Variants in HPSE2 observed in about 807,000 individuals in gnomAD.
HPSE2 encodes inactive heparanase-2.
Under a neutral mutation model 60.5 loss-of-function variants are expected in HPSE2, and 38 were observed. The observed-to-expected ratio is 0.63, with a 90% CI of 0.48 to 0.82. HPSE2 has a LOEUF of 0.82. Among genes scored for constraint, HPSE2 ranks in the 40% least tolerant of loss-of-function variants. HPSE2 has a pLI of 0.00. For synonymous variants in HPSE2, 295 were observed against 293.2 expected (o/e 1.01, Z -0.06); for missense variants, 713 against 740.4 (o/e 0.96, Z 0.43).
At chr10:98,820,762 C>T (rs1218314328) in intron 3 of HPSE2, among the ~76,000 whole-genome samples, 1 of 152,158 alleles carries the variant, frequency 6.6e-6, no homozygotes, top group Non-Finnish European at 1.5e-5. Context: ...AGCTGACTCC[C>T]TCTCTGCATG....
chr10:99,244,392 T>C, the HPSE2 span, among the ~76,000 whole-genome samples: 4 of 141,652 alleles, frequency 2.8e-5, no homozygotes, highest in African/African-American at 1.0e-4. Context: ...TTTATTATTA[T>C]TATTATTATT....
intron 3 of HPSE2, among the ~76,000 whole-genome samples, chr10:98,801,841 A>G (rs1246481314): frequency 6.6e-6 from 1 of 152,150 alleles, no homozygotes; most frequent in African/African-American, 2.4e-5. Flanking sequence ...AGAAAAAACA[A>G]TCCTAAAATT....
At chr10:98,757,480 A>G (rs185680749) in intron 3 of HPSE2, among the ~76,000 whole-genome samples, 5 of 152,312 alleles carry the variant, frequency 3.3e-5, no homozygotes, top group Non-Finnish European at 7.4e-5. Context: ...CAACTTCAGT[A>G]AAGTTTCAGG....
At chr10:98,917,494 T>C (rs543166615) in intron 3 of HPSE2, among the ~76,000 whole-genome samples, 18 of 152,314 alleles carry the variant, frequency 1.2e-4, no homozygotes, top group African/African-American at 3.1e-4. Context: ...AATAGGACTA[T>C]TTGAAAGGAT....
intron 9 of HPSE2, among the ~76,000 whole-genome samples, chr10:98,598,732 TG>T (rs1945315949): frequency 6.6e-6 from 1 of 151,324 alleles, no homozygotes; most frequent in Admixed American, 6.6e-5. Flanking sequence ...TCTACTTGGG[TG>T]GGTCTTGACC....
intron 3 of HPSE2, among the ~76,000 whole-genome samples, chr10:99,036,296 T>G (rs950379601): frequency 6.6e-6 from 1 of 152,102 alleles, no homozygotes; most frequent in African/African-American, 2.4e-5. Context: ...GAGAAATAGT[T>G]AATTCCAAGG....
chr10:98,689,711 G>T (rs1948024745), intron 6 of HPSE2, among the ~76,000 whole-genome samples: 1 of 152,182 alleles, frequency 6.6e-6, no homozygotes, highest in African/African-American at 2.4e-5. Flanking sequence ...AGAGATAGAA[G>T]AATGCTGATT....
rs113018540 is a variant in HPSE2 at position 99,048,351 on chromosome 10, A to C, written c.610+95887T>G. On this transcript the variant is annotated intron_variant, in intron 3 of 11. Coordinates refer to ENST00000370552, the MANE Select transcript of HPSE2 (RefSeq NM_021828.5). ...CTAAGCTGGTCAGTTAATAAATAGT[A>C]CCTGCTCTCAAACTGAAAAAAAAAA... is the stretch of plus-strand genomic sequence containing the variant. The C allele has an allele frequency of 9.8e-4, 310 of 317,552 alleles. 1 individual carries two copies. Among genetic ancestry groups the C allele is most frequent in the African/African-American group, 6.6e-3 (298 of 45,262 alleles). 19.7% of individuals were successfully genotyped at this position (317,552 alleles called of 1,614,324 possible).
intron 3 of HPSE2, among the ~76,000 whole-genome samples, chr10:99,031,720 A>T (rs1276902948): frequency 6.6e-6 from 1 of 152,210 alleles, no homozygotes; most frequent in Admixed American, 6.5e-5. Flanking sequence ...ACCAGTTTTG[A>T]TAATATTTGG....
chr10:98,598,187 GAAGT>G (rs1454569883), intron 9 of HPSE2, among the ~76,000 whole-genome samples: 1 of 151,952 alleles, frequency 6.6e-6, no homozygotes, highest in Admixed American at 6.6e-5. Context: ...ACATTTTGAA[GAAGT>G]AAGGACTTAT....
At chr10:99,304,165 T>A in the HPSE2 span, among the ~76,000 whole-genome samples, 1 of 152,186 alleles carries the variant, frequency 6.6e-6, no homozygotes, top group African/African-American at 2.4e-5. Flanking sequence ...CAGGCCAGAT[T>A]GAGGACTAAC....
At chr10:99,229,229 G>A (rs1384833779) in intron 2 of HPSE2, among the ~76,000 whole-genome samples, 1 of 151,298 alleles carries the variant, frequency 6.6e-6, no homozygotes, top group Non-Finnish European at 1.5e-5. Flanking sequence ...CCAGAAAAGT[G>A]GAAGCTTTTT....
At chr10:98,942,997 T>C (rs1328573006) in intron 3 of HPSE2, among the ~76,000 whole-genome samples, 4 of 146,948 alleles carry the variant, frequency 2.7e-5, no homozygotes, top group African/African-American at 7.6e-5. Context: ...AACCAAACGC[T>C]GCATGTTCTC....
intron 3 of HPSE2, among the ~76,000 whole-genome samples, chr10:98,871,381 G>A (rs1277745907): frequency 6.6e-6 from 1 of 151,774 alleles, no homozygotes; most frequent in African/African-American, 2.4e-5. Flanking sequence ...AGAACCAGAT[G>A]CTTTTCTTTC....
At chr10:98,821,611 AAAAT>A (rs1468760603) in intron 3 of HPSE2, among the ~76,000 whole-genome samples, 4 of 152,160 alleles carry the variant, frequency 2.6e-5, no homozygotes, top group Admixed American at 2.0e-4. Flanking sequence ...TATTCTGGTG[AAAAT>A]AAAACTGCAA....
intron 3 of HPSE2, among the ~76,000 whole-genome samples, chr10:99,122,065 G>A (rs965654916): frequency 6.6e-6 from 1 of 152,146 alleles, no homozygotes; most frequent in African/African-American, 2.4e-5. Context: ...TTATGTATAT[G>A]TATGTGCTTC....
At chr10:99,042,742 A>C (rs1957769101) in intron 3 of HPSE2, among the ~76,000 whole-genome samples, 2 of 151,942 alleles carry the variant, frequency 1.3e-5, no homozygotes, top group Admixed American at 1.3e-4. Context: ...CATTCAACAA[A>C]AGAAATGAAG....
intron 8 of HPSE2, among the ~76,000 whole-genome samples, chr10:98,618,440 C>T (rs546604247): frequency 6.6e-6 from 1 of 152,226 alleles, no homozygotes; most frequent in Admixed American, 6.5e-5. Context: ...CCTGCAGCAG[C>T]GTCCTATAGT....
At chr10:99,024,368 C>A (rs374271775) in intron 3 of HPSE2, among the ~76,000 whole-genome samples, 3 of 152,114 alleles carry the variant, frequency 2.0e-5, no homozygotes, top group East Asian at 3.9e-4. Context: ...GTATTTGCAA[C>A]CCTCGGGGTA....
Sources: gnomAD v4.1 joint callset for allele counts (sites outside exome capture counted in the v4.1 genomes callset) on GRCh38, gnomAD v4.1.1 for gene constraint, MANE v1.5 for transcripts, NCBI Gene and HGNC (gene_info 2026-07-23, HGNC 2026-07-21) for gene names.